YARS1: variants seen among roughly 807,000 people sequenced by gnomAD.
YARS1 encodes the protein tyrosine--tRNA ligase, cytoplasmic.
In YARS1, 36 loss-of-function variants were observed where a neutral mutation model predicts 62.2. The ratio of observed to expected loss-of-function variants is 0.58; its 90% confidence interval spans 0.44 to 0.76. YARS1 has a LOEUF of 0.76. Among genes scored for constraint, YARS1 ranks in the 30% least tolerant of loss-of-function variants. The probability of loss-of-function intolerance (pLI) is 0.00; values close to 1 mark genes in which losing one functional copy is unlikely to be tolerated. For synonymous variants in YARS1, 234 were observed against 244.9 expected (o/e 0.96, Z 0.42); for missense variants, 524 against 639.8 (o/e 0.82, Z 1.95).
rs1202551417 is a variant in YARS1, at chr1:32,791,365, T to G, written c.592-111A>C. ...TGAGTAGTTGTTATATTGCTTCCAA[T>G]CTTTTTATACTAAATATGTAGCTTT... On this transcript the variant is annotated intron_variant, in intron 5 of 12. Transcript: ENST00000373477. 1.1e-5 allele frequency: 9 copies of G among 855,560 alleles called. No individual in the cohort carries two copies. In the East Asian group the frequency reaches 1.7e-4, roughly 16 times the overall value. 53.0% of individuals were successfully genotyped at this position (855,560 alleles called of 1,614,324 possible). A position where few individuals can be genotyped will look rare whatever the true frequency, so the allele number is the denominator to read the frequency against.
Position 32,810,577 on chromosome 1 carries a change from G to T in YARS1, c.380+14C>A. The T allele has an allele frequency of 6.2e-7, 1 of 1,612,400 alleles. No individual in the cohort carries two copies. The highest frequency in any genetic ancestry group is 1.1e-5 in the South Asian group (1 of 90,982). ...CACCAGAGCCACAAGGAGGGTGGAT[G>T]ATCAAGCACTTACTTGCTGAGCTGG... On this transcript the variant is annotated intron_variant, in intron 3 of 12. Coordinates refer to ENST00000373477, the MANE Select transcript of YARS1 (RefSeq NM_003680.4).
chr1:32,797,128 T>G (rs948421733), intron 5 of YARS1, among the ~76,000 whole-genome samples: 7 of 144,228 alleles, frequency 4.9e-5, no homozygotes, highest in African/African-American at 1.8e-4. Flanking sequence ...TCCCAGCACT[T>G]TGGGAGGCCA....
At position 32,806,588 on chromosome 1, in the gene YARS1, C is replaced by G. The variant is rs1638471746; in HGVS notation, c.404G>C (p.Arg135Thr). The change falls in exon 4 of 13, where the codon AGA (arginine) becomes ACA (threonine). Residue 135 changes from arginine (R) to threonine (T), a missense_variant. Coordinates refer to ENST00000373477, the MANE Select transcript of YARS1 (RefSeq NM_003680.4). Reference protein sequence around the residue: ...LSKEYTLDVYRLSSVVTQHDS... With the variant: ...LSKEYTLDVYTLSSVVTQHDS... ...GTGCTGTGTGACCACGGAGGAGAGT[C>G]TGTACACATCTAGTGTGTACTCTCT... 1 of 1,614,162 alleles carries G rather than the reference C, an allele frequency of 6.2e-7. No homozygotes were observed. Among genetic ancestry groups the G allele is most frequent in the Non-Finnish European group, 8.5e-7 (1 of 1,180,026 alleles).
chr1:32,801,560 A>AGTGGCT (rs1157330748), intron 4 of YARS1, among the ~76,000 whole-genome samples: 1 of 152,156 alleles, frequency 6.6e-6, no homozygotes, highest in Non-Finnish European at 1.5e-5. Context: ...TGAAGGCTGC[A>AGTGGCT]GTGGCTGTGG....
chr1:32,790,211 T>A (rs1342796105), intron 6 of YARS1, among the ~76,000 whole-genome samples: 2 of 146,752 alleles, frequency 1.4e-5, no homozygotes, highest in African/African-American at 5.0e-5. Context: ...TTAATTTGTA[T>A]TTTTAAAAAC....
At position 32,797,814 on chromosome 1, in the gene YARS1, A is replaced by G. The variant is rs754963904; in HGVS notation, c.540T>C (p.Asp180=). 3 of 1,614,186 alleles carry G rather than the reference A, an allele frequency of 1.9e-6. No individual in the cohort carries two copies. Among genetic ancestry groups the G allele is most frequent in the East Asian group, 4.5e-5 (2 of 44,884 alleles). Residue 180 remains aspartate, a synonymous_variant, in exon 5 of 13, where the codon GAT becomes GAC. Transcript: ENST00000373477. ...QALDEEYLKV[D]AQFGGIDQRK... Reference sequence around the variant, plus strand: ...TCTGATCAATGCCTCCAAATTGGGCATCTACTTTTAAATACTCTTCATCCA... The same window carrying G: ...TCTGATCAATGCCTCCAAATTGGGCGTCTACTTTTAAATACTCTTCATCCA...
chr1:32,788,404 C>T (rs1218015829), intron 6 of YARS1, among the ~76,000 whole-genome samples: 1 of 152,066 alleles, frequency 6.6e-6, no homozygotes, highest in Non-Finnish European at 1.5e-5. Context: ...GTGTACAAAA[C>T]CATGCCTGGC....
chr1:32,799,750 A>G (rs1458951590), intron 4 of YARS1, among the ~76,000 whole-genome samples: 2 of 152,218 alleles, frequency 1.3e-5, no homozygotes, highest in Non-Finnish European at 2.9e-5. Context: ...TAATAGCCAC[A>G]TATGACTAGG....
At chr1:32,801,217 T>C (rs939637851) in intron 4 of YARS1, among the ~76,000 whole-genome samples, 1 of 151,936 alleles carries the variant, frequency 6.6e-6, no homozygotes, top group Non-Finnish European at 1.5e-5. Context: ...AAAATGCATA[T>C]ATTTAACTGG....
In YARS1 at chr1:32,810,641, C is replaced by T; in HGVS notation, c.330G>A (p.Val110=). 6.2e-7 allele frequency: 1 copy of T among 1,613,824 alleles called. No individual in the cohort carries two copies. Among genetic ancestry groups the T allele is most frequent in the Non-Finnish European group, 8.5e-7 (1 of 1,180,026 alleles). ...VIKAMLESIG[V]PLEKLKFIKG... Reference sequence around the variant, plus strand: ...TGATGAACTTGAGCTTCTCCAAGGGCACACCAATGCTCTCCAGCATTGCTT... The same window carrying T: ...TGATGAACTTGAGCTTCTCCAAGGGTACACCAATGCTCTCCAGCATTGCTT... Residue 110 remains valine (V), a synonymous_variant, in exon 3 of 13, where the codon GTG becomes GTA. Coordinates refer to ENST00000373477, the MANE Select transcript of YARS1 (RefSeq NM_003680.4).
chr1:32,808,991 G>A (rs1168135938), intron 3 of YARS1, among the ~76,000 whole-genome samples: 6 of 152,170 alleles, frequency 3.9e-5, no homozygotes, highest in African/African-American at 1.4e-4. Flanking sequence ...ATAAAGATCT[G>A]TAGATTAAGT....
Position 32,780,566 on chromosome 1 carries a change from C to G in YARS1, c.1141-288G>C, listed in dbSNP as rs1389249218. Reference sequence around the variant, plus strand: ...GATGCAGGAGCACCAGCATTGATCTCAGGGTGGTTTTGGTGGTTGGGGTAC... The same window carrying G: ...GATGCAGGAGCACCAGCATTGATCTGAGGGTGGTTTTGGTGGTTGGGGTAC... On this transcript the variant is annotated intron_variant, in intron 10 of 12. Coordinates refer to ENST00000373477, the MANE Select transcript of YARS1 (RefSeq NM_003680.4). The G allele has an allele frequency of 8.0e-6, 4 of 499,224 alleles. No individual in the cohort carries two copies. The East Asian group carries it at 1.5e-4, about 19-fold the overall frequency. 30.9% of individuals were successfully genotyped at this position (499,224 alleles called of 1,614,324 possible).
At chr1:32,806,760 C>T in intron 3 of YARS1, 149 bp from the exon 4 acceptor site, 2 of 1,086,376 alleles carry the variant, frequency 1.8e-6, no homozygotes, top group Non-Finnish European at 2.6e-6. Flanking sequence ...CAACTTTCTT[C>T]TTCTTTCCCT....
chr1:32,781,318 T>C (rs928975858), intron 9 of YARS1, 173 bp from the exon 10 acceptor site: 4 of 656,394 alleles, frequency 6.1e-6, no homozygotes, highest in Admixed American at 2.2e-5. Flanking sequence ...AGACATGACA[T>C]ACCTGATTTT....
intron 5 of YARS1, among the ~76,000 whole-genome samples, chr1:32,796,116 A>T (rs1653572571): frequency 6.6e-6 from 1 of 151,608 alleles, no homozygotes; most frequent in African/African-American, 2.4e-5. Flanking sequence ...AACATAGTGA[A>T]ACTCCGTCTC....
At position 32,805,956 on chromosome 1, in the gene YARS1, C is replaced by T. The variant is rs191640259; in HGVS notation, c.510+526G>A. On this transcript the variant is annotated intron_variant, in intron 4 of 12. Coordinates refer to ENST00000373477, the MANE Select transcript of YARS1 (RefSeq NM_003680.4). ...CAGCCTGGGCGACACAGCGAGATTC[C>T]GTCTCAAAAATAAATAAATAAATAA... is the stretch of plus-strand genomic sequence containing the variant. Among the ~76,000 whole-genome samples the T allele has an allele frequency of 5.3e-5, 8 of 152,168 alleles. No individual in the cohort carries two copies. The East Asian group carries it at 5.8e-4, about 11-fold the overall frequency.
chr1:32,804,497 G>T (rs1161369063), intron 4 of YARS1, among the ~76,000 whole-genome samples: 1 of 151,220 alleles, frequency 6.6e-6, no homozygotes, highest in African/African-American at 2.4e-5. Context: ...CCAGGCGGAG[G>T]GGCTCCTCAC....
chr1:32,778,026 AGGAG>A (rs1430004821), intron 12 of YARS1, among the ~76,000 whole-genome samples: 1 of 152,210 alleles, frequency 6.6e-6, no homozygotes, highest in Non-Finnish European at 1.5e-5. Flanking sequence ...AAACCAGGAA[AGGAG>A]GGAGTGGGCA....
chr1:32,779,676 ATCCCT>A, intron 11 of YARS1, 153 bp from the exon 12 acceptor site: 1 of 908,406 alleles, frequency 1.1e-6, no homozygotes, highest in East Asian at 2.6e-5. Context: ...ATCTTGCTAC[ATCCCT>A]GCATATCACC....
Sources: gnomAD v4.1 joint callset for allele counts (sites outside exome capture counted in the v4.1 genomes callset) on GRCh38, gnomAD v4.1.1 for gene constraint, MANE v1.5 for transcripts, NCBI Gene and HGNC (gene_info 2026-07-23, HGNC 2026-07-21) for gene names.